The following FCRL2 variants were observed in gnomAD, a reference collection of about 807,000 sequenced individuals.
The protein encoded by FCRL2 is Fc receptor like 2, also known as Fc receptor-like protein 2.
Under a neutral mutation model 59.8 loss-of-function variants are expected in FCRL2, and 48 were observed. The ratio of observed to expected loss-of-function variants is 0.80; its 90% CI spans 0.64 to 1.02. The LOEUF is 1.02. Ranked by LOEUF, FCRL2 falls within the 50% of genes least tolerant of loss-of-function variation. The pLI is 0.00. For missense variants in FCRL2, 658 were observed against 597.3 expected, an observed-to-expected ratio of 1.10 and a Z score of -1.06; for synonymous variants, 251 against 229.5, an observed-to-expected ratio of 1.09 and a Z score of -0.85.
At chr1:157,761,531 C>T (rs1649102904) in intron 7 of FCRL2, among the ~76,000 whole-genome samples, 1 of 152,136 alleles carries the variant, frequency 6.6e-6, no homozygotes, top group Non-Finnish European at 1.5e-5. Flanking sequence ...GTGGTTTGAG[C>T]CTGGCAGATC....
chr1:157,760,743 G>GAAAGAAAGAA (rs1649015028), intron 7 of FCRL2, among the ~76,000 whole-genome samples: 1 of 146,144 alleles, frequency 6.8e-6, no homozygotes, highest in Non-Finnish European at 1.5e-5. Flanking sequence ...AAGAAAGAAA[G>GAAAGAAAGAA]AAAGAAAGAA....
At chr1:157,751,322 G>A (rs1648167748) in intron 7 of FCRL2, among the ~76,000 whole-genome samples, 1 of 152,204 alleles carries the variant, frequency 6.6e-6, no homozygotes, top group South Asian at 2.1e-4. Flanking sequence ...AAACTGGCAA[G>A]AGGCTAAGAG....
intron 7 of FCRL2, among the ~76,000 whole-genome samples, chr1:157,755,380 T>C (rs1438071248): frequency 6.6e-6 from 1 of 152,196 alleles, no homozygotes; most frequent in African/African-American, 2.4e-5. Flanking sequence ...TTTGTGTGGC[T>C]GGTGTGTTAT....
intron 7 of FCRL2, among the ~76,000 whole-genome samples, chr1:157,758,196 G>C (rs1648748008): frequency 6.6e-6 from 1 of 152,204 alleles, no homozygotes; most frequent in Admixed American, 6.5e-5. Context: ...TACCCAAATA[G>C]AGGGTGGCCA....
chr1:157,754,086 T>C (rs1325680086), intron 7 of FCRL2, among the ~76,000 whole-genome samples: 1 of 152,176 alleles, frequency 6.6e-6, no homozygotes, highest in Admixed American at 6.5e-5. Flanking sequence ...TCACAGGTAT[T>C]TGAACCAGAG....
At chr1:157,761,833 C>T in intron 7 of FCRL2, among the ~76,000 whole-genome samples, 1 of 152,054 alleles carries the variant, frequency 6.6e-6, no homozygotes, top group Non-Finnish European at 1.5e-5. Flanking sequence ...TGCCAAAAGA[C>T]ACGGCAGCTT....
intron 7 of FCRL2, among the ~76,000 whole-genome samples, chr1:157,760,655 G>GA (rs1396088547): frequency 2.2e-4 from 23 of 106,920 alleles, no homozygotes; most frequent in African/African-American, 1.2e-3. Flanking sequence ...AAGAAAGAAA[G>GA]AAGGAAGGAA....
chr1:157,768,855 A>G lies in FCRL2; in HGVS notation c.596-154T>C, dbSNP rs919516452. 139 of 747,192 alleles carry G rather than the reference A, an allele frequency of 1.9e-4. 3 individuals are homozygous for G. The highest frequency in any genetic ancestry group is 1.1e-3 in the South Asian group (54 of 49,810). 46.3% of individuals were successfully genotyped at this position (747,192 alleles called of 1,614,324 possible). ...CTATGGAGGTAGGGAATCTATAACA[A>G]TTATCCTTCAGGAATGTGGATAAAG... On this transcript the variant is annotated intron_variant, in intron 4 of 11. Coordinates refer to ENST00000361516, the MANE Select transcript of FCRL2 (RefSeq NM_030764.4).
In FCRL2 at chr1:157,768,701, C is replaced by T. The variant is rs1224176790; in HGVS notation, c.596G>A (p.Arg199Lys). 1.2e-6 allele frequency: 2 copies of T among 1,605,006 alleles called. No homozygotes were observed. Among genetic ancestry groups the T allele is most frequent in the Admixed American group, 1.7e-5 (1 of 59,120 alleles). ...QSLQSQIHVQ[R>K]IPISNVSLEI... ...CAAGCTTACATTAGAGATGGGGATTCCTAGATGGATATAAGACAACAGGTG... is the reference window on the plus strand; with the variant it reads ...CAAGCTTACATTAGAGATGGGGATTTCTAGATGGATATAAGACAACAGGTG... The change falls in exon 5 of 12, where the codon AGA becomes AAA. Residue 199 changes from arginine (R) to lysine (K), a missense_variant and splice_region_variant. By Grantham distance (26) the Arg-to-Lys change is conservative (BLOSUM62 2). Transcript: ENST00000361516.
chr1:157,774,514 T>C (rs1193752570), intron 2 of FCRL2: 1 of 454,536 alleles, frequency 2.2e-6, no homozygotes, highest in Non-Finnish European at 4.4e-6. Flanking sequence ...TGAGAAACTC[T>C]TGCTAAAGGA....
intron 7 of FCRL2, among the ~76,000 whole-genome samples, chr1:157,758,626 T>C (rs1412146434): frequency 1.1e-5 from 1 of 88,432 alleles, no homozygotes; most frequent in African/African-American, 4.7e-5. Context: ...GAAAAAAAAA[T>C]CTAAAATTCA....
Position 157,746,529 on chromosome 1 carries a change from A to T in FCRL2, c.*207T>A. ...AATAATTTATTTGCACAGTGTCTGG[A>T]TGTAGCAGCAGTTCAATGAATATTG... On this transcript the variant is annotated 3_prime_UTR_variant, in exon 12 of 12. Coordinates refer to ENST00000361516, the MANE Select transcript of FCRL2 (RefSeq NM_030764.4). 1.7e-6 allele frequency: 1 copy of T among 596,746 alleles called. No homozygotes were observed. The highest frequency in any genetic ancestry group is 3.0e-6 in the Non-Finnish European group (1 of 334,016). 37.0% of individuals were successfully genotyped at this position (596,746 alleles called of 1,614,324 possible).
intron 7 of FCRL2, among the ~76,000 whole-genome samples, chr1:157,754,296 A>T (rs1193126272): frequency 1.3e-5 from 2 of 152,030 alleles, no homozygotes; most frequent in Admixed American, 6.6e-5. Flanking sequence ...AACAAGAATG[A>T]CCTCTAGTTG....
At chr1:157,762,052 C>T (rs772158121) in intron 7 of FCRL2, among the ~76,000 whole-genome samples, 2 of 152,076 alleles carry the variant, frequency 1.3e-5, no homozygotes, top group Non-Finnish European at 2.9e-5. Flanking sequence ...GAGGATAAGC[C>T]CACCCAGCAT....
Position 157,770,504 on chromosome 1 carries a change from G to C in FCRL2, c.215C>G (p.Ala72Gly). The C allele has an allele frequency of 6.2e-7, 1 of 1,614,126 alleles. No homozygotes were observed. Among genetic ancestry groups the C allele is most frequent in the Non-Finnish European group, 8.5e-7 (1 of 1,179,962 alleles). Residue 72 changes from alanine to glycine, a missense_variant, in exon 3 of 12, where the codon GCA becomes GGA. Transcript: ENST00000361516. ...KKFSDFLIQS[A>G]VLSDSGNYFC... ...ATAGTTACCACTGTCACTTAAAACTGCACTTTGGATAAGGAAATCTGAGAA... is the reference window on the plus strand; with the variant it reads ...ATAGTTACCACTGTCACTTAAAACTCCACTTTGGATAAGGAAATCTGAGAA...
intron 7 of FCRL2, among the ~76,000 whole-genome samples, chr1:157,758,203 G>C (rs1246144718): frequency 6.6e-6 from 1 of 152,146 alleles, no homozygotes; most frequent in African/African-American, 2.4e-5. Flanking sequence ...ATAGAGGGTG[G>C]CCATTTCACC....
chr1:157,773,226 A>C (rs114540874), intron 2 of FCRL2, among the ~76,000 whole-genome samples: 1 of 152,218 alleles, frequency 6.6e-6, no homozygotes, highest in Admixed American at 6.5e-5. Flanking sequence ...CAGTTTCTCA[A>C]CTGAGAAATG....
At chr1:157,763,618 G>A (rs773727701) in intron 7 of FCRL2, among the ~76,000 whole-genome samples, 14 of 152,158 alleles carry the variant, frequency 9.2e-5, no homozygotes, top group African/African-American at 1.4e-4. Context: ...TGTAAGAAAC[G>A]TACTTTACCT....
At position 157,775,839 on chromosome 1, in the gene FCRL2, C is replaced by T. The variant is rs370049651; in HGVS notation, c.32-44G>A. On this transcript the variant is annotated intron_variant, in intron 1 of 11. Transcript: ENST00000361516. ...CCAGAGATTAGCACACAGCATTTGC[C>T]CTCATAATTTATAAATTTATATTAC... 1.2e-5 allele frequency: 20 copies of T among 1,603,632 alleles called. No individual in the cohort carries two copies. The African/African-American group carries it at 1.9e-4, about 15-fold the overall frequency.
Sources: gnomAD v4.1 joint callset for allele counts (sites outside exome capture counted in the v4.1 genomes callset) on GRCh38, gnomAD v4.1.1 for gene constraint, MANE v1.5 for transcripts, NCBI Gene and HGNC (gene_info 2026-07-23, HGNC 2026-07-21) for gene names.